SP140L: variants seen among roughly 807,000 people sequenced by gnomAD.
The protein encoded by SP140L is nuclear body protein SP140-like protein.
A neutral mutation model predicts 84.3 loss-of-function variants in SP140L; 64 were observed. That is an observed-to-expected ratio of 0.76 (90% CI 0.62 to 0.94). The LOEUF is 0.94. Among genes scored for constraint, SP140L ranks in the 40% least tolerant of loss-of-function variants. The pLI is 0.00. For missense variants in SP140L, 628 were observed against 692.5 expected (o/e 0.91, Z 1.05); for synonymous variants, 242 against 236.9 (o/e 1.02, Z -0.20).
intron 7 of SP140L, among the ~76,000 whole-genome samples, chr2:230,375,940 T>C (rs2061228798): frequency 6.6e-6 from 1 of 152,190 alleles, no homozygotes. Flanking sequence ...ATTTCTGCGT[T>C]TGTTGCCTGT....
intron 2 of SP140L, among the ~76,000 whole-genome samples, chr2:230,330,152 G>A (rs1469495588): frequency 6.6e-6 from 1 of 152,176 alleles, no homozygotes; most frequent in African/African-American, 2.4e-5. Flanking sequence ...TAATCTGGGA[G>A]AGTCATGGTT....
intron 7 of SP140L, among the ~76,000 whole-genome samples, chr2:230,376,768 A>G (rs2396748): frequency 0.48 from 72,862 of 151,950 alleles, 18,133 homozygotes; most frequent in South Asian, 0.66. Context: ...ACTAAAAGTA[A>G]TCTTGAAAAA....
chr2:230,385,221 CA>C lies in SP140L; in HGVS notation c.704-2del. On this transcript the variant is annotated splice_acceptor_variant, in intron 8 of 18. Coordinates refer to ENST00000415673, the MANE Select transcript of SP140L (RefSeq NM_138402.6). LOFTEE classifies it high-confidence loss of function. ...TAATACATTTTCCCTTGCCTATCCC[CA>C]GATAACAGCAAAGCCGATGGCCAGC... 6.2e-7 allele frequency: 1 copy of C among 1,613,470 alleles called. No individual in the cohort carries two copies. The highest frequency in any genetic ancestry group is 8.5e-7 in the Non-Finnish European group (1 of 1,179,604).
chr2:230,367,352 G>A (rs549977384), intron 5 of SP140L, among the ~76,000 whole-genome samples: 14 of 148,522 alleles, frequency 9.4e-5, no homozygotes, highest in African/African-American at 3.3e-4. Context: ...GAGTGCAGGG[G>A]CATTATTATG....
At chr2:230,345,407 C>G (rs2060177953) in intron 2 of SP140L, among the ~76,000 whole-genome samples, 1 of 152,120 alleles carries the variant, frequency 6.6e-6, no homozygotes, top group Non-Finnish European at 1.5e-5. Context: ...TACCATGAGT[C>G]TCTTACATGC....
chr2:230,349,296 T>C (rs952397080), intron 2 of SP140L, among the ~76,000 whole-genome samples: 1 of 152,212 alleles, frequency 6.6e-6, no homozygotes, highest in Admixed American at 6.5e-5. Context: ...AATAAGAAAG[T>C]ATAAATCTTC....
chr2:230,336,218 G>A (rs1447356629), intron 2 of SP140L, among the ~76,000 whole-genome samples: 3 of 152,206 alleles, frequency 2.0e-5, no homozygotes, highest in African/African-American at 4.8e-5. Flanking sequence ...GGGGCATAAT[G>A]CAGTCAAGGG....
chr2:230,387,142 A>C (rs1483194831), intron 9 of SP140L, among the ~76,000 whole-genome samples: 2 of 152,200 alleles, frequency 1.3e-5, no homozygotes, highest in African/African-American at 4.8e-5. Context: ...AGAGGCAGGC[A>C]GCAAGATGGA....
intron 2 of SP140L, among the ~76,000 whole-genome samples, chr2:230,349,794 A>G (rs985085407): frequency 6.6e-6 from 1 of 152,134 alleles, no homozygotes; most frequent in African/African-American, 2.4e-5. Flanking sequence ...AGATCACTCG[A>G]GGTCAGGAGT....
intron 8 of SP140L, 148 bp from the exon 9 acceptor site, chr2:230,385,076 C>A: frequency 1.5e-6 from 1 of 651,924 alleles, no homozygotes. Context: ...ATTTAGAAGT[C>A]AACACTCCCC....
chr2:230,390,121 T>C, intron 11 of SP140L, 98 bp downstream of exon 11: 1 of 1,134,716 alleles, frequency 8.8e-7, no homozygotes, highest in South Asian at 1.4e-5. Context: ...TTCAAGGAGT[T>C]TTGGGCCCAG....
At chr2:230,350,298 A>G (rs777894567) in intron 2 of SP140L, among the ~76,000 whole-genome samples, 1 of 152,250 alleles carries the variant, frequency 6.6e-6, no homozygotes, top group Non-Finnish European at 1.5e-5. Flanking sequence ...TTCATGGAAC[A>G]GCAAAACTAT....
At chr2:230,337,461 G>A (rs2059912743) in intron 2 of SP140L, among the ~76,000 whole-genome samples, 1 of 151,362 alleles carries the variant, frequency 6.6e-6, no homozygotes, top group South Asian at 2.1e-4. Context: ...TCACTCTGAT[G>A]GTAGTTTCTT....
At chr2:230,393,324 G>A (rs2061904295) in intron 12 of SP140L, 90 bp from the exon 13 acceptor site, 4 of 1,414,174 alleles carry the variant, frequency 2.8e-6, no homozygotes, top group Middle Eastern at 1.8e-4. Flanking sequence ...GGAACACTCA[G>A]GTAGAAGTAT....
At chr2:230,382,664 A>T (rs3856528) in intron 7 of SP140L, among the ~76,000 whole-genome samples, 34,556 of 152,116 alleles carry the variant, frequency 0.23, 4,195 homozygotes, top group Non-Finnish European at 0.28. Flanking sequence ...ATGAGGCATC[A>T]TCCCTAGGAA....
intron 2 of SP140L, among the ~76,000 whole-genome samples, chr2:230,329,113 G>A (rs141163720): frequency 3.3e-5 from 5 of 152,102 alleles, no homozygotes; most frequent in South Asian, 2.1e-4. Context: ...AACATCTTAC[G>A]ACATAGATTT....
intron 2 of SP140L, among the ~76,000 whole-genome samples, chr2:230,343,479 A>G (rs138051600): frequency 0.024 from 3,554 of 147,646 alleles, 466 homozygotes; most frequent in African/African-American, 0.082. Flanking sequence ...TATCCAGTCT[A>G]TCATTGATGG....
At chr2:230,385,341 C>A in intron 9 of SP140L, 37 bp downstream of exon 9, 4 of 1,585,504 alleles carry the variant, frequency 2.5e-6, no homozygotes, top group South Asian at 2.2e-5. Flanking sequence ...ATTTGCCCTG[C>A]AGGTCAATGC....
At chr2:230,358,256 C>G (rs1376603889) in intron 3 of SP140L, among the ~76,000 whole-genome samples, 2 of 152,160 alleles carry the variant, frequency 1.3e-5, no homozygotes, top group African/African-American at 4.8e-5. Flanking sequence ...AATTGATTTA[C>G]TGAAATCATA....
Sources: allele counts gnomAD v4.1 joint callset (sites outside exome capture counted in the v4.1 genomes callset), GRCh38; gene constraint gnomAD v4.1.1; transcripts MANE v1.5; gene names NCBI Gene and HGNC (gene_info 2026-07-23, HGNC 2026-07-21).